Variants in CACNA1H observed in about 807,000 individuals in gnomAD.
The protein encoded by CACNA1H is calcium voltage-gated channel subunit alpha1 H, also known as voltage-dependent T-type calcium channel subunit alpha-1H.
CACNA1H carries 149 observed loss-of-function variants against 192.5 expected under a neutral mutation model. The observed-to-expected ratio is 0.77, with a 90% CI of 0.68 to 0.89. The LOEUF is 0.89. Ranked by LOEUF, CACNA1H falls within the 40% of genes least tolerant of loss-of-function variation. CACNA1H has a pLI of 0.00. For missense variants in CACNA1H, 4,257 were observed against 3,423.5 expected (o/e 1.24, Z -6.08); for synonymous variants, 2,202 against 1,475.2 (o/e 1.49, Z -11.29).
Position 1,207,352 on chromosome 16 carries a change from C to T in CACNA1H, c.2985C>T (p.Phe995=), listed in dbSNP as rs371675943. 5.6e-5 allele frequency: 90 copies of T among 1,612,930 alleles called. No individual in the cohort carries two copies. The highest frequency in any genetic ancestry group is 6.7e-5 in the East Asian group (3 of 44,872). The change falls in exon 14 of 35, where the codon TTC becomes TTT. Residue 995 remains phenylalanine (F), a synonymous_variant. Transcript: ENST00000348261. ...ASTSSWAALY[F]VALMTFGNYV... ...CCTCCTCCTGGGCCGCCCTCTACTTCGTGGCCCTCATGACCTTCGGCAACT... is the reference window on the plus strand; with the variant it reads ...CCTCCTCCTGGGCCGCCCTCTACTTTGTGGCCCTCATGACCTTCGGCAACT...
At chr16:1,164,727 C>T (rs112596952) in intron 2 of CACNA1H, among the ~76,000 whole-genome samples, 26 of 152,248 alleles carry the variant, frequency 1.7e-4, no homozygotes, top group African/African-American at 5.8e-4. Flanking sequence ...CCTCAAGCCC[C>T]GCAGAGGGGC....
rs1596436851 is a variant in CACNA1H, at chr16:1,206,226, T to G, written c.2726T>G (p.Val909Gly). ...PALRRQLVVL[V>G]KTMDNVATFC... ...CTGCGGCGCCAGCTCGTGGTGCTGG[T>G]GAAGACCATGGACAACGTGGCTACC... Residue 909 changes from valine (V) to glycine (G), a missense_variant, in exon 12 of 35, where the codon GTG becomes GGG. By Grantham distance (109) the Val-to-Gly change is moderately radical (BLOSUM62 -3). Transcript: ENST00000348261. The G allele has an allele frequency of 6.3e-7, 1 of 1,592,220 alleles. No homozygotes were observed. The highest frequency in any genetic ancestry group is 2.3e-5 in the East Asian group (1 of 43,858).
At position 1,215,597 on chromosome 16, in the gene CACNA1H, G is replaced by C; in HGVS notation, c.5244+4G>C. 1.9e-6 allele frequency: 3 copies of C among 1,610,000 alleles called. No individual in the cohort carries two copies. Among genetic ancestry groups the C allele is most frequent in the African/African-American group, 1.3e-5 (1 of 75,024 alleles). On this transcript the variant is annotated splice_donor_region_variant and intron_variant, in intron 30 of 34. Transcript: ENST00000348261. The stretch of plus-strand genomic sequence containing the variant: ...TGTGGTGCAAGCTCTCCCCCAGGTA[G>C]GTGGAGCCCGCGCCATCCTCAGCGC...
intron 34 of CACNA1H, 126 bp from the exon 35 acceptor site, chr16:1,219,855 A>C: frequency 1.6e-6 from 1 of 638,666 alleles, no homozygotes; most frequent in Middle Eastern, 4.7e-4. Flanking sequence ...GAGGGTCAGG[A>C]GCCACCCAGG....
intron 2 of CACNA1H, among the ~76,000 whole-genome samples, chr16:1,169,668 G>A (rs896745786): frequency 6.6e-6 from 1 of 152,266 alleles, no homozygotes; most frequent in Non-Finnish European, 1.5e-5. Context: ...CAGCCCACTT[G>A]TCTGGGTCGG....
chr16:1,171,791 C>T (rs910894626), intron 2 of CACNA1H, among the ~76,000 whole-genome samples: 2 of 152,218 alleles, frequency 1.3e-5, no homozygotes, highest in Non-Finnish European at 2.9e-5. Context: ...TCAGGCTGGG[C>T]AGACACTACC....
At chr16:1,178,354 T>A (rs1275375984) in intron 2 of CACNA1H, among the ~76,000 whole-genome samples, 1 of 145,878 alleles carries the variant, frequency 6.9e-6, no homozygotes, top group African/African-American at 2.6e-5. Flanking sequence ...GCCCCCATAT[T>A]CATATCTCAG....
Position 1,220,314 on chromosome 16 carries a change from G to A in CACNA1H, c.6382G>A (p.Gly2128Ser), listed in dbSNP as rs748564400. The part of the protein sequence containing the change: ...HGPEASPVAG[G>S]ERDLRRLYSV... Reference sequence around the variant, plus strand: ...CCCCGAAGCCTCTCCGGTGGCCGGCGGCGAGCGGGACCTGCGCAGGCTCTA... The same window carrying A: ...CCCCGAAGCCTCTCCGGTGGCCGGCAGCGAGCGGGACCTGCGCAGGCTCTA... The change falls in exon 35 of 35, where the codon GGC (glycine) becomes AGC (serine). Residue 2128 changes from glycine (G) to serine (S), a missense_variant. Gly to Ser is a moderately conservative substitution (Grantham distance 56). Transcript: ENST00000348261. 11 of 1,560,248 alleles carry A rather than the reference G, an allele frequency of 7.1e-6. No individual in the cohort carries two copies. The highest frequency in any genetic ancestry group is 5.8e-5 in the South Asian group (5 of 85,732).
chr16:1,156,203 G>A (rs754604692), intron 2 of CACNA1H, among the ~76,000 whole-genome samples: 50 of 152,302 alleles, frequency 3.3e-4, no homozygotes, highest in Admixed American at 1.3e-3. Flanking sequence ...AGCTCCAAAC[G>A]CAGTGATGGG....
chr16:1,196,270 A>C (rs1005454), intron 5 of CACNA1H, among the ~76,000 whole-genome samples: 1 of 152,154 alleles, frequency 6.6e-6, no homozygotes, highest in East Asian at 1.9e-4. Flanking sequence ...GCTCCCACAC[A>C]GCCGAGTGAC....
At chr16:1,219,273 C>T (rs1231641905) in intron 34 of CACNA1H, 143 bp downstream of exon 34, 2 of 797,526 alleles carry the variant, frequency 2.5e-6, no homozygotes, top group East Asian at 5.6e-5. Flanking sequence ...AAGGTTTCTG[C>T]CTGCTGCTTG....
intron 2 of CACNA1H, among the ~76,000 whole-genome samples, chr16:1,183,175 T>A (rs558574656): frequency 1.3e-5 from 2 of 152,092 alleles, no homozygotes; most frequent in East Asian, 3.9e-4. Context: ...CCCGGTACCC[T>A]CCACCCCCGT....
intron 2 of CACNA1H, among the ~76,000 whole-genome samples, chr16:1,165,287 C>T (rs561059135): frequency 6.6e-6 from 1 of 152,318 alleles, no homozygotes; most frequent in African/African-American, 2.4e-5. Flanking sequence ...TTCAGCGGGC[C>T]TGGGGGCAAA....
At chr16:1,201,488 G>A (rs1967897832) in intron 8 of CACNA1H, among the ~76,000 whole-genome samples, 175 bp from the exon 9 acceptor site, 1 of 152,170 alleles carries the variant, frequency 6.6e-6, no homozygotes, top group Non-Finnish European at 1.5e-5. Flanking sequence ...TATGCCGTCT[G>A]CTCCAGACGT....
chr16:1,191,114 G>T (rs1188648139), intron 2 of CACNA1H, among the ~76,000 whole-genome samples: 1 of 114,990 alleles, frequency 8.7e-6, no homozygotes, highest in Non-Finnish European at 1.8e-5. Context: ...GCCTGGCTGT[G>T]TGGCCTCAGG....
rs780083558 is a variant in CACNA1H at position 1,211,837 on chromosome 16, CAG to C, written c.4566+33_4566+34del. 3.0e-4 allele frequency: 481 copies of C among 1,610,760 alleles called. No homozygotes were observed. The African/African-American group carries it at 3.3e-3, about 11-fold the overall frequency. ...ACAGGCGGGTCGAGCTGGGTCACCT[CAG>C]GGTCTCCCGCGAGCGGCTGCCTTGG... is the stretch of plus-strand genomic sequence containing the variant. On this transcript the variant is annotated intron_variant, in intron 24 of 34. Transcript: ENST00000348261.
At chr16:1,198,822 C>A (rs1053475143) in intron 6 of CACNA1H, 48 bp downstream of exon 6, 2 of 1,557,550 alleles carry the variant, frequency 1.3e-6, no homozygotes, top group African/African-American at 1.4e-5. Flanking sequence ...TGGCCCTGCC[C>A]ACCATGCAGA....
Position 1,209,222 on chromosome 16 carries a change from C to T in CACNA1H, c.3554C>T (p.Ala1185Val), listed in dbSNP as rs769568324. ...TDDEAEDGRA[A>V]PGPRATPLRR... ...GACGAAGCTGAGGACGGCAGGGCCG[C>T]GCCCGGGCCCCGTGCCACCCCACTG... The change falls in exon 17 of 35, where the codon GCG (alanine) becomes GTG (valine). Residue 1185 changes from alanine (A) to valine (V), a missense_variant. Coordinates refer to ENST00000348261, the MANE Select transcript of CACNA1H (RefSeq NM_021098.3). 98 of 1,544,734 alleles carry T rather than the reference C, an allele frequency of 6.3e-5. No homozygotes were observed. Among genetic ancestry groups the T allele is most frequent in the Non-Finnish European group, 7.9e-5 (90 of 1,146,284 alleles).
chr16:1,202,536 C>A, intron 9 of CACNA1H, 84 bp downstream of exon 9: 2 of 1,185,630 alleles, frequency 1.7e-6, no homozygotes, highest in Non-Finnish European at 2.3e-6. Flanking sequence ...TTCCCACACC[C>A]ATTGTGGGCA....
Sources: allele counts gnomAD v4.1 joint callset (sites outside exome capture counted in the v4.1 genomes callset), GRCh38; gene constraint gnomAD v4.1.1; transcripts MANE v1.5; gene names NCBI Gene and HGNC (gene_info 2026-07-23, HGNC 2026-07-21).